GALNT17: variants seen among roughly 807,000 people sequenced by gnomAD.
The protein encoded by GALNT17 is UDP-GalNAc:polypeptide N-acetylgalactosaminyltransferase-like 3.
Under a neutral mutation model 63.7 loss-of-function variants are expected in GALNT17, and 29 were observed. The ratio of observed to expected loss-of-function variants is 0.46; its 90% CI spans 0.34 to 0.62. The LOEUF (loss-of-function observed/expected upper bound fraction) is 0.62, where lower values mean the gene tolerates loss of function less well. GALNT17 is among the 20% of genes least tolerant of loss of function. GALNT17 has a pLI of 0.01. For missense variants in GALNT17, 603 were observed against 799.6 expected, an observed-to-expected ratio of 0.75 and a Z score of 2.97; for synonymous variants, 305 against 318.3, an observed-to-expected ratio of 0.96 and a Z score of 0.45.
At chr7:71,296,389 G>A (rs1791079399) in intron 1 of GALNT17, among the ~76,000 whole-genome samples, 1 of 152,078 alleles carries the variant, frequency 6.6e-6, no homozygotes, top group African/African-American at 2.4e-5. Flanking sequence ...TGAGGCAGGT[G>A]GAACACTTGA....
chr7:71,536,724 G>A (rs1201928089), intron 5 of GALNT17, among the ~76,000 whole-genome samples: 2 of 152,200 alleles, frequency 1.3e-5, no homozygotes, highest in East Asian at 3.9e-4. Flanking sequence ...TGAGATTTGA[G>A]TGGGGACACA....
At chr7:71,634,197 G>A (rs879625911) in intron 6 of GALNT17, among the ~76,000 whole-genome samples, 1 of 152,142 alleles carries the variant, frequency 6.6e-6, no homozygotes, top group Non-Finnish European at 1.5e-5. Flanking sequence ...GCAATTGGTA[G>A]AATTTAGACC....
Position 71,420,928 on chromosome 7 carries a change from G to A in GALNT17, c.785G>A (p.Arg262His), listed in dbSNP as rs974898586. Residue 262 changes from arginine (R) to histidine (H), a missense_variant, in exon 5 of 11, where the codon CGC (arginine) becomes CAC (histidine). By Grantham distance (29) the Arg-to-His change is conservative (BLOSUM62 0). Around this residue, in one of 3 missense-constraint regions of GALNT17, gnomAD observed 336 missense variants for 507.8 expected, o/e 0.66. Transcript: ENST00000333538. ...TTCAGGGCTGAGCCGGTTCTATCCC[G>A]CATCCAGGAAAACCGGAAGCGTGTG... ...TAGWAEPVLS[R>H]IQENRKRVIL... 3.1e-6 allele frequency: 5 copies of A among 1,613,986 alleles called. No individual in the cohort carries two copies. Among genetic ancestry groups the A allele is most frequent in the African/African-American group, 1.3e-5 (1 of 74,888 alleles).
intron 5 of GALNT17, among the ~76,000 whole-genome samples, chr7:71,493,146 T>C (rs757216282): frequency 4.4e-4 from 67 of 152,182 alleles, no homozygotes; most frequent in Non-Finnish European, 8.7e-4. Context: ...ACCTTGTCTT[T>C]GAAGAGCTCA....
chr7:71,606,062 C>T (rs36185213), intron 6 of GALNT17, among the ~76,000 whole-genome samples: 17,901 of 151,920 alleles, frequency 0.12, 1,687 homozygotes, highest in African/African-American at 0.27. Context: ...ACCTTAGCCT[C>T]ACAATTAGCT....
intron 5 of GALNT17, among the ~76,000 whole-genome samples, chr7:71,462,152 G>C (rs1787461823): frequency 6.6e-6 from 1 of 152,146 alleles, no homozygotes; most frequent in Non-Finnish European, 1.5e-5. Context: ...GCCCTTGCCT[G>C]GTGGGGCACT....
At chr7:71,599,402 G>C (rs1209528534) in intron 6 of GALNT17, among the ~76,000 whole-genome samples, 1 of 152,206 alleles carries the variant, frequency 6.6e-6, no homozygotes, top group Admixed American at 6.5e-5. Context: ...ATTGAGGTCT[G>C]AGCAGGGCCT....
At chr7:71,603,699 A>G (rs563810243) in intron 6 of GALNT17, among the ~76,000 whole-genome samples, 51 of 152,128 alleles carry the variant, frequency 3.4e-4, no homozygotes, top group African/African-American at 1.2e-3. Flanking sequence ...TGCTAAGTGC[A>G]TATGCTGGAT....
At chr7:71,542,551 C>T (rs904213088) in intron 5 of GALNT17, among the ~76,000 whole-genome samples, 3 of 151,806 alleles carry the variant, frequency 2.0e-5, no homozygotes, top group African/African-American at 7.3e-5. Flanking sequence ...AAAAAATTAG[C>T]CAGGTGTGGT....
chr7:71,507,916 A>C (rs1788293326), intron 5 of GALNT17, among the ~76,000 whole-genome samples: 1 of 152,202 alleles, frequency 6.6e-6, no homozygotes, highest in Non-Finnish European at 1.5e-5. Flanking sequence ...TGTGTGACAG[A>C]ATAATCTCCT....
At chr7:71,683,463 C>T (rs1366747867) in intron 9 of GALNT17, among the ~76,000 whole-genome samples, 1 of 152,170 alleles carries the variant, frequency 6.6e-6, no homozygotes, top group Non-Finnish European at 1.5e-5. Flanking sequence ...ATTGGTGCTC[C>T]ACGGACATCG....
chr7:71,441,489 T>A (rs1035778310), intron 5 of GALNT17, among the ~76,000 whole-genome samples: 4 of 152,184 alleles, frequency 2.6e-5, no homozygotes, highest in Non-Finnish European at 5.9e-5. Flanking sequence ...TAATTTTACT[T>A]TAAGTTCTGG....
intron 1 of GALNT17, among the ~76,000 whole-genome samples, chr7:71,323,417 A>G (rs1447426089): frequency 2.0e-5 from 3 of 152,164 alleles, no homozygotes; most frequent in Admixed American, 6.5e-5. Context: ...CTGCAGGTGT[A>G]CTAATTGTCC....
chr7:71,469,370 G>A (rs754380048), intron 5 of GALNT17, among the ~76,000 whole-genome samples: 3 of 152,172 alleles, frequency 2.0e-5, no homozygotes, highest in Non-Finnish European at 4.4e-5. Context: ...CCTAGGACTG[G>A]TCACGGAAAA....
intron 1 of GALNT17, among the ~76,000 whole-genome samples, chr7:71,180,478 A>G (rs117425973): frequency 0.03 from 4,612 of 152,274 alleles, 64 homozygotes; most frequent in Middle Eastern, 0.041. Flanking sequence ...ATGGTGGGAA[A>G]GAAGGCTCCT....
At position 71,148,843 on chromosome 7, in the gene GALNT17, G is replaced by A. The variant is rs1788074108; in HGVS notation, c.238+15803G>A. Among the ~76,000 whole-genome samples the A allele has an allele frequency of 2.5e-5, 3 of 119,860 alleles. No individual in the cohort carries two copies. The South Asian group carries it at 7.8e-4, about 31-fold the overall frequency. 78.6% of individuals were successfully genotyped at this position (119,860 alleles called of 152,430 possible). A position where few individuals can be genotyped will look rare whatever the true frequency, so the allele number is the denominator to read the frequency against. ...GGCATCTTAGATTTGATGAAATACA[G>A]TAGTATTATGGTATTTTTATATATA... On this transcript the variant is annotated intron_variant, in intron 1 of 10. Coordinates refer to ENST00000333538, the MANE Select transcript of GALNT17 (RefSeq NM_022479.3).
intron 6 of GALNT17, among the ~76,000 whole-genome samples, chr7:71,613,178 G>T (rs1790150408): frequency 6.6e-6 from 1 of 152,206 alleles, no homozygotes; most frequent in Non-Finnish European, 1.5e-5. Flanking sequence ...TTGAGAGGCG[G>T]TTACTCCATC....
At chr7:71,185,944 A>C (rs145621770) in intron 1 of GALNT17, among the ~76,000 whole-genome samples, 1 of 152,326 alleles carries the variant, frequency 6.6e-6, no homozygotes, top group African/African-American at 2.4e-5. Flanking sequence ...ACACTCAGGA[A>C]ATGTTGGTAA....
At chr7:71,455,666 T>G (rs1451500918) in intron 5 of GALNT17, among the ~76,000 whole-genome samples, 6 of 152,174 alleles carry the variant, frequency 3.9e-5, no homozygotes, top group Non-Finnish European at 7.3e-5. Flanking sequence ...GGCAGCTCTC[T>G]CTCATGCTCA....
Sources: gnomAD v4.1 joint callset for allele counts (sites outside exome capture counted in the v4.1 genomes callset) on GRCh38, gnomAD v4.1.1 for gene constraint, gnomAD v4.1.1 regional missense constraint, MANE v1.5 for transcripts, NCBI Gene and HGNC (gene_info 2026-07-23, HGNC 2026-07-21) for gene names.